The following EIF2AK4 variants were observed in gnomAD, a reference collection of about 807,000 sequenced individuals.
The protein encoded by EIF2AK4 is eIF-2-alpha kinase GCN2.
A neutral mutation model predicts 211.1 loss-of-function variants in EIF2AK4; 139 were observed. That is an observed-to-expected ratio of 0.66 (90% CI 0.57 to 0.76). The LOEUF (loss-of-function observed/expected upper bound fraction) is 0.76. Among genes scored for constraint, EIF2AK4 ranks in the 30% least tolerant of loss-of-function variants. EIF2AK4 has a pLI of 0.00. For missense variants in EIF2AK4, 1,664 were observed against 2,043.8 expected (o/e 0.81, Z 3.58); for synonymous variants, 710 against 751.3 (o/e 0.94, Z 0.90).
chr15:39,974,535 G>C (rs2034667844), intron 11 of EIF2AK4: 1 of 152,168 alleles, frequency 6.6e-6, no homozygotes, highest in African/African-American at 2.4e-5. Flanking sequence ...TAGTTTTCCT[G>C]TGGTAAAAGA....
chr15:39,967,465 A>G lies in EIF2AK4; in HGVS notation c.1139A>G (p.Glu380Gly). Residue 380 changes from glutamate to glycine, a missense_variant, in exon 9 of 39, where the codon GAG (glutamate) becomes GGG (glycine). Coordinates refer to ENST00000263791, the MANE Select transcript of EIF2AK4 (RefSeq NM_001013703.4). Reference sequence around the variant, plus strand: ...TCCATCGTGGTGGACATTTTAGTGGAGCACATTAGTGGGGTCTCTCTTGCT... The same window carrying G: ...TCCATCGTGGTGGACATTTTAGTGGGGCACATTAGTGGGGTCTCTCTTGCT... Reference protein sequence around the residue: ...DDSIVVDILVEHISGVSLAAH... With the variant: ...DDSIVVDILVGHISGVSLAAH... The G allele has an allele frequency of 2.5e-6, 4 of 1,614,102 alleles. No individual in the cohort carries two copies. Among genetic ancestry groups the G allele is most frequent in the Non-Finnish European group, 3.4e-6 (4 of 1,180,016 alleles).
intron 21 of EIF2AK4, 128 bp from the exon 22 acceptor site, chr15:40,002,585 C>T (rs1293950260): frequency 4.4e-6 from 4 of 905,358 alleles, no homozygotes; most frequent in Non-Finnish European, 5.4e-6. Flanking sequence ...GAGGGATGGA[C>T]TTGTCAAGAC....
intron 6 of EIF2AK4, among the ~76,000 whole-genome samples, chr15:39,956,331 A>T (rs1423803644): frequency 1.3e-5 from 2 of 152,166 alleles, no homozygotes; most frequent in Non-Finnish European, 2.9e-5. Flanking sequence ...AGCCTATAAC[A>T]CATCACAAAC....
At chr15:40,017,551 A>ATATGTATGTATGTATG (rs57395145) in intron 29 of EIF2AK4, among the ~76,000 whole-genome samples, 24 of 87,078 alleles carry the variant, frequency 2.8e-4, no homozygotes, top group African/African-American at 4.0e-4. Flanking sequence ...ATATATATAT[A>ATATGTATGTATGTATG]TATGTATTTT....
At position 39,995,784 on chromosome 15, in the gene EIF2AK4, G is replaced by A. The variant is rs2035010686; in HGVS notation, c.2767-1180G>A. Among the ~76,000 whole-genome samples the A allele has an allele frequency of 1.3e-5, 2 of 151,906 alleles. 1 individual carries two copies. The highest frequency in any genetic ancestry group is 4.1e-4 in the South Asian group (2 of 4,826). On this transcript the variant is annotated intron_variant, in intron 18 of 38. Transcript: ENST00000263791. ...TGTACAATGTGATGTTTTGATATAT[G>A]TTTACATTGTGAAATGATTACCACA...
chr15:39,937,721 T>G (rs922089698), intron 1 of EIF2AK4, among the ~76,000 whole-genome samples: 6 of 151,098 alleles, frequency 4.0e-5, no homozygotes, highest in Middle Eastern at 3.4e-3. Flanking sequence ...ATAAGTAGGT[T>G]TTTTTTTTTA....
chr15:39,988,224 T>G, intron 15 of EIF2AK4, 119 bp downstream of exon 15: 1 of 1,049,546 alleles, frequency 9.5e-7, no homozygotes, highest in Non-Finnish European at 1.4e-6. Flanking sequence ...ATGGGTATAT[T>G]GACATAATCT....
intron 3 of EIF2AK4, among the ~76,000 whole-genome samples, chr15:39,948,191 T>C (rs1183506403): frequency 6.6e-6 from 1 of 152,252 alleles, no homozygotes; most frequent in African/African-American, 2.4e-5. Flanking sequence ...CCAAATGAAC[T>C]AACTTTATAT....
chr15:39,982,527 C>CT (rs1193487776), intron 13 of EIF2AK4, among the ~76,000 whole-genome samples: 1 of 151,960 alleles, frequency 6.6e-6, no homozygotes, highest in Non-Finnish European at 1.5e-5. Context: ...CTGTGAGCTT[C>CT]TTTTTTTTCC....
intron 35 of EIF2AK4, among the ~76,000 whole-genome samples, chr15:40,030,710 T>C (rs1359013293): frequency 6.6e-6 from 1 of 152,170 alleles, no homozygotes; most frequent in Non-Finnish European, 1.5e-5. Flanking sequence ...AAATGAAAAC[T>C]ATCTAATCTG....
At chr15:39,978,614 G>T (rs1566992483) in intron 13 of EIF2AK4, among the ~76,000 whole-genome samples, 1 of 152,144 alleles carries the variant, frequency 6.6e-6, no homozygotes, top group Non-Finnish European at 1.5e-5. Flanking sequence ...TAATGCAGGG[G>T]TGTCCAAGCT....
At chr15:40,025,954 A>T (rs1229942302) in intron 32 of EIF2AK4, 23 bp from the exon 33 acceptor site, 1 of 1,606,418 alleles carries the variant, frequency 6.2e-7, no homozygotes, top group South Asian at 1.1e-5. Flanking sequence ...TCCAAATGAT[A>T]GATCCGTTTC....
At chr15:40,025,794 A>C (rs562851739) in intron 32 of EIF2AK4, among the ~76,000 whole-genome samples, 183 bp from the exon 33 acceptor site, 3 of 152,360 alleles carry the variant, frequency 2.0e-5, no homozygotes, top group African/African-American at 7.2e-5. Flanking sequence ...TACCTACTAC[A>C]TGCCAGTTGC....
chr15:39,957,527 C>T (rs540933520), intron 6 of EIF2AK4, among the ~76,000 whole-genome samples: 2 of 152,316 alleles, frequency 1.3e-5, no homozygotes, highest in Admixed American at 6.5e-5. Context: ...CCTGAGCCCC[C>T]CTCTACCCTA....
intron 31 of EIF2AK4, 169 bp from the exon 32 acceptor site, chr15:40,022,350 C>G: frequency 1.7e-6 from 1 of 585,094 alleles, no homozygotes; most frequent in Non-Finnish European, 2.9e-6. Context: ...TTGTTCCTCC[C>G]TTGAATTCTA....
Position 40,002,769 on chromosome 15 carries a change from C to T in EIF2AK4, c.3216C>T (p.Ile1072=). ...KMQQHVCETI[I]RIFKRHGAVQ... ...AGCAGCATGTGTGTGAAACCATCAT[C>T]CGCATCTTTAAAAGACATGGTATGT... Residue 1072 remains isoleucine (I), a synonymous_variant, in exon 22 of 39, where the codon ATC becomes ATT. Coordinates refer to ENST00000263791, the MANE Select transcript of EIF2AK4 (RefSeq NM_001013703.4). The T allele has an allele frequency of 1.2e-6, 2 of 1,614,194 alleles. No homozygotes were observed. The highest frequency in any genetic ancestry group is 1.1e-5 in the South Asian group (1 of 91,080).
intron 18 of EIF2AK4, among the ~76,000 whole-genome samples, chr15:39,995,276 G>T: frequency 6.6e-6 from 1 of 152,158 alleles, no homozygotes; most frequent in Non-Finnish European, 1.5e-5. Context: ...TAGCCAACAC[G>T]TATAGGAAAT....
At position 39,967,612 on chromosome 15, in the gene EIF2AK4, C is replaced by G. The variant is rs764527615; in HGVS notation, c.1286C>G (p.Ser429Cys). The part of the protein sequence containing the change: ...NSVVHKVLSA[S>C]NVLVDAEGTV... The stretch of plus-strand genomic sequence containing the variant: ...GTGGTGCATAAGGTCCTGAGTGCAT[C>G]TAATGTCTTGGTGGATGCAGAAGGC... The change falls in exon 9 of 39, where the codon TCT (serine) becomes TGT (cysteine). Residue 429 changes from serine (S) to cysteine (C), a missense_variant. This residue lies in a region of EIF2AK4 where 641 missense variants were observed against 729.6 expected (regional missense o/e 0.88). Coordinates refer to ENST00000263791, the MANE Select transcript of EIF2AK4 (RefSeq NM_001013703.4). 1 of 1,614,170 alleles carries G rather than the reference C, an allele frequency of 6.2e-7. No homozygotes were observed. The highest frequency in any genetic ancestry group is 8.5e-7 in the Non-Finnish European group (1 of 1,180,030).
intron 18 of EIF2AK4, 138 bp from the exon 19 acceptor site, chr15:39,996,826 A>G (rs1192578438): frequency 3.3e-6 from 2 of 603,558 alleles, no homozygotes; most frequent in Non-Finnish European, 6.0e-6. Context: ...TTAAGAACAA[A>G]TCTTCGCATT....
Sources: gnomAD v4.1 joint callset for allele counts (sites outside exome capture counted in the v4.1 genomes callset) on GRCh38, gnomAD v4.1.1 for gene constraint, gnomAD v4.1.1 regional missense constraint, MANE v1.5 for transcripts, NCBI Gene and HGNC (gene_info 2026-07-23, HGNC 2026-07-21) for gene names.